Variants in HEPACAM2 observed in about 807,000 individuals in gnomAD.
HEPACAM2 encodes the protein mitotic kinetics regulator.
HEPACAM2 carries 49 observed loss-of-function variants against 49.6 expected under a neutral mutation model. That is an observed-to-expected ratio of 0.99 (90% CI 0.78 to 1.25). HEPACAM2 has a LOEUF of 1.25. Ranked by LOEUF, HEPACAM2 falls within the 50% of genes most tolerant of loss-of-function variation. The pLI, the probability that HEPACAM2 is intolerant of heterozygous loss-of-function variation, is 0.00. For synonymous variants in HEPACAM2, 197 were observed against 202.9 expected, an observed-to-expected ratio of 0.97 and a Z score of 0.25; for missense variants, 525 against 557.2, an observed-to-expected ratio of 0.94 and a Z score of 0.58.
intron 9 of HEPACAM2, 133 bp from the exon 10 acceptor site, chr7:93,189,403 A>T: frequency 1.9e-6 from 1 of 529,762 alleles, no homozygotes; most frequent in African/African-American, 1.9e-5. Context: ...GCTCAAGAAA[A>T]TTACATTTAT....
intron 4 of HEPACAM2, among the ~76,000 whole-genome samples, chr7:93,202,389 T>G (rs1241089143): frequency 6.6e-6 from 1 of 152,068 alleles, no homozygotes; most frequent in African/African-American, 2.4e-5. Context: ...CCATAGTCAG[T>G]AAGTCCTAGA....
At chr7:93,209,546 A>G (rs1355491952) in intron 3 of HEPACAM2, among the ~76,000 whole-genome samples, 1 of 151,880 alleles carries the variant, frequency 6.6e-6, no homozygotes, top group Non-Finnish European at 1.5e-5. Flanking sequence ...CCTCATATCT[A>G]GCTGTCCATT....
chr7:93,198,705 C>G (rs969683024), intron 4 of HEPACAM2, among the ~76,000 whole-genome samples: 1 of 152,014 alleles, frequency 6.6e-6, no homozygotes, highest in Non-Finnish European at 1.5e-5. Flanking sequence ...TCATGTGATG[C>G]CATTTCCATT....
At chr7:93,192,843 G>A (rs1019257600) in intron 8 of HEPACAM2, among the ~76,000 whole-genome samples, 1 of 151,950 alleles carries the variant, frequency 6.6e-6, no homozygotes, top group Non-Finnish European at 1.5e-5. Flanking sequence ...ACAGTACCAA[G>A]GAATGTGGAA....
chr7:93,217,876 C>CTGTGTGTGTGTG (rs138044928), intron 2 of HEPACAM2, among the ~76,000 whole-genome samples: 7 of 140,094 alleles, frequency 5.0e-5, no homozygotes, highest in Non-Finnish European at 7.8e-5. Flanking sequence ...GCATGTGTGT[C>CTGTGTGTGTGTG]TGTGTGTGTG....
chr7:93,204,927 T>C (rs10215968), intron 4 of HEPACAM2, among the ~76,000 whole-genome samples: 44,385 of 151,728 alleles, frequency 0.29, 8,671 homozygotes, highest in East Asian at 0.58. Flanking sequence ...TGGTGAAACC[T>C]CATCTCTACT....
intron 9 of HEPACAM2, among the ~76,000 whole-genome samples, chr7:93,190,801 G>A (rs931763467): frequency 4.0e-5 from 6 of 151,124 alleles, no homozygotes; most frequent in East Asian, 3.9e-4. Context: ...TTTTTGACAC[G>A]CAAAACAACC....
chr7:93,189,364 G>A, intron 9 of HEPACAM2, 94 bp from the exon 10 acceptor site: 1 of 763,968 alleles, frequency 1.3e-6, no homozygotes, highest in South Asian at 2.4e-5. Flanking sequence ...GCTTTCCAGG[G>A]CTACAGATTA....
intron 1 of HEPACAM2, among the ~76,000 whole-genome samples, chr7:93,221,416 G>GA (rs1485525086): frequency 2.6e-5 from 4 of 152,254 alleles, no homozygotes; most frequent in South Asian, 2.1e-4. Context: ...TTTAAAAAGG[G>GA]AAAGGTAGAA....
Position 93,219,175 on chromosome 7 carries a change from T to C in HEPACAM2, c.356A>G (p.Asn119Ser), listed in dbSNP as rs1320635655. ...INPLQFPDEG[N>S]YIVKVNIQGN... ...CTGAATGTTGACCTTCACGATGTAA[T>C]TGCCTTCATCAGGGAACTGCAGTGG... Residue 119 changes from asparagine (N) to serine (S), a missense_variant, in exon 2 of 10, where the codon AAT (asparagine) becomes AGT (serine). By Grantham distance (46) the Asn-to-Ser change is conservative. Coordinates refer to ENST00000394468, the MANE Select transcript of HEPACAM2 (RefSeq NM_001039372.4). 3 of 1,613,964 alleles carry C rather than the reference T, an allele frequency of 1.9e-6. No individual in the cohort carries two copies. The Admixed American group carries it at 5.0e-5, about 27-fold the overall frequency.
the HEPACAM2 span, among the ~76,000 whole-genome samples, chr7:93,231,960 TC>T: frequency 6.6e-6 from 1 of 152,048 alleles, no homozygotes; most frequent in Non-Finnish European, 1.5e-5. Flanking sequence ...TTTCTTGAGT[TC>T]CTTCTCCTTC....
intron 3 of HEPACAM2, among the ~76,000 whole-genome samples, chr7:93,210,960 A>G (rs1230641685): frequency 1.3e-5 from 2 of 151,990 alleles, no homozygotes; most frequent in Non-Finnish European, 2.9e-5. Context: ...CATGCCATTA[A>G]AAGTAAAGGC....
chr7:93,217,876 C>CTGTGTGTGTGTGTGTGTGTG, intron 2 of HEPACAM2, among the ~76,000 whole-genome samples: 1 of 140,094 alleles, frequency 7.1e-6, no homozygotes, highest in South Asian at 2.4e-4. Flanking sequence ...GCATGTGTGT[C>CTGTGTGTGTGTGTGTGTGTG]TGTGTGTGTG....
At position 93,197,483 on chromosome 7, in the gene HEPACAM2, AC is replaced by A; in HGVS notation, c.1138+1del. Reference sequence around the variant, plus strand: ...AATTTTTTTTTTGTAATTTTAACCTACCTTTGTAGGGTTGATATTTTTTCCA... The same window carrying A: ...AATTTTTTTTTTGTAATTTTAACCTACTTTGTAGGGTTGATATTTTTTCCA... On this transcript the variant is annotated splice_donor_variant, in intron 5 of 9. Transcript: ENST00000394468. LOFTEE classifies it high-confidence loss of function. 3 of 1,586,518 alleles carry A rather than the reference AC, an allele frequency of 1.9e-6. No homozygotes were observed. Among genetic ancestry groups the A allele is most frequent in the Non-Finnish European group, 2.6e-6 (3 of 1,166,478 alleles).
chr7:93,202,034 A>AAAAAAAAAAAAAAAAAAAAAAAAC (rs1562824508), intron 4 of HEPACAM2, among the ~76,000 whole-genome samples: 2 of 3,278 alleles, frequency 6.1e-4, no homozygotes, highest in Non-Finnish European at 1.1e-3. Flanking sequence ...AAAAAAACCA[A>AAAAAAAAAAAAAAAAAAAAAAAAC]AAAAAAAAAA....
chr7:93,203,707 C>T (rs530626674), intron 4 of HEPACAM2, among the ~76,000 whole-genome samples: 7 of 152,214 alleles, frequency 4.6e-5, no homozygotes, highest in South Asian at 2.1e-4. Flanking sequence ...TCCATGGTAT[C>T]GCAACCCTGC....
intron 8 of HEPACAM2, among the ~76,000 whole-genome samples, chr7:93,195,586 CT>C (rs1191034305): frequency 3.3e-5 from 5 of 152,136 alleles, no homozygotes; most frequent in African/African-American, 9.7e-5. Context: ...CAGGTAAAGA[CT>C]ATTTATGAAT....
intron 2 of HEPACAM2, 132 bp downstream of exon 2, chr7:93,218,969 T>G (rs1377587117): frequency 2.9e-6 from 2 of 679,442 alleles, no homozygotes; most frequent in Non-Finnish European, 5.0e-6. Context: ...CATGAGATAT[T>G]GAGGCTTTGA....
intron 1 of HEPACAM2, 179 bp from the exon 2 acceptor site, chr7:93,219,630 GCACTTAAAAAACTC>G (rs1483013175): frequency 5.6e-5 from 67 of 1,193,948 alleles, no homozygotes; most frequent in Middle Eastern, 5.9e-4. Context: ...GAAACCTTCT[GCACTTAAAAAACTC>G]CACCCAAAGA....
Sources: allele counts gnomAD v4.1 joint callset (sites outside exome capture counted in the v4.1 genomes callset), GRCh38; gene constraint gnomAD v4.1.1; transcripts MANE v1.5; gene names NCBI Gene and HGNC (gene_info 2026-07-23, HGNC 2026-07-21).